SPECC1L: variants seen among roughly 807,000 people sequenced by gnomAD.
The protein encoded by SPECC1L is cytospin-A.
SPECC1L carries 40 observed loss-of-function variants against 116.8 expected under a neutral mutation model. The observed-to-expected ratio is 0.34, with a 90% confidence interval of 0.27 to 0.45. The LOEUF (loss-of-function observed/expected upper bound fraction) is 0.45. Ranked by LOEUF, SPECC1L falls within the 20% of genes least tolerant of loss-of-function variation. The probability of loss-of-function intolerance (pLI) is 1.00; values close to 1 mark genes in which losing one functional copy is unlikely to be tolerated. For synonymous variants in SPECC1L, 504 were observed against 500.6 expected, an observed-to-expected ratio of 1.01 and a Z score of -0.09; for missense variants, 1,110 against 1,373.6, an observed-to-expected ratio of 0.81 and a Z score of 3.03.
At chr22:24,327,277 C>CAAAAAAAAAAAAAAAAAAAAA (rs58725731) in intron 6 of SPECC1L, among the ~76,000 whole-genome samples, 1 of 41,958 alleles carries the variant, frequency 2.4e-5, no homozygotes. Flanking sequence ...GACTCCGTCT[C>CAAAAAAAAAAAAAAAAAAAAA]AAAAAAAAAA....
At chr22:24,377,280 T>C (rs184892008) in intron 14 of SPECC1L, among the ~76,000 whole-genome samples, 49 of 152,292 alleles carry the variant, frequency 3.2e-4, no homozygotes, top group Admixed American at 3.1e-3. Flanking sequence ...GCTTACACTT[T>C]TGGGGGGGTT....
At chr22:24,326,062 T>C (rs1370253759) in intron 6 of SPECC1L, among the ~76,000 whole-genome samples, 1 of 152,112 alleles carries the variant, frequency 6.6e-6, no homozygotes. Flanking sequence ...CAAGCGATTC[T>C]CCTGCTTCAG....
In SPECC1L at chr22:24,322,328, T is replaced by G; in HGVS notation, c.1348T>G (p.Cys450Gly). ...EEKVILMESL[C>G]QQSDKLEHFS... ...GAAGGTTATTCTGATGGAGTCTTTA[T>G]GTCAGCAGAGCGATAAGTTGGAACA... The change falls in exon 5 of 17, where the codon TGT (cysteine) becomes GGT (glycine). Residue 450 changes from cysteine (C) to glycine (G), a missense_variant. Physicochemically the swap from Cys to Gly is radical, Grantham distance 159. Transcript: ENST00000314328. 6.2e-7 allele frequency: 1 copy of G among 1,614,238 alleles called. No homozygotes were observed. The highest frequency in any genetic ancestry group is 8.5e-7 in the Non-Finnish European group (1 of 1,180,038).
chr22:24,334,037 G>A (rs1163234613), intron 8 of SPECC1L, among the ~76,000 whole-genome samples: 38 of 147,270 alleles, frequency 2.6e-4, no homozygotes, highest in African/African-American at 9.4e-4. Context: ...TTTTGAGATG[G>A]AGTCTCGCTC....
intron 4 of SPECC1L, among the ~76,000 whole-genome samples, chr22:24,320,852 A>G (rs1348419324): frequency 6.6e-6 from 1 of 152,132 alleles, no homozygotes; most frequent in Non-Finnish European, 1.5e-5. Context: ...TTGCCCACCT[A>G]TGATCTCCCT....
intron 4 of SPECC1L, among the ~76,000 whole-genome samples, chr22:24,317,243 C>T (rs1190941920): frequency 2.0e-5 from 2 of 101,890 alleles, no homozygotes; most frequent in Non-Finnish European, 2.1e-5. Flanking sequence ...CCGGATGGGG[C>T]GGCTGGCCGG....
chr22:24,363,638 T>C (rs906916192), intron 12 of SPECC1L, among the ~76,000 whole-genome samples: 3 of 152,156 alleles, frequency 2.0e-5, no homozygotes, highest in Non-Finnish European at 2.9e-5. Context: ...TTCCTCTATT[T>C]TGTATAAAGT....
intron 14 of SPECC1L, among the ~76,000 whole-genome samples, chr22:24,389,623 C>T (rs924034810): frequency 2.0e-5 from 3 of 151,864 alleles, no homozygotes; most frequent in Admixed American, 2.0e-4. Flanking sequence ...TTTCCCTACC[C>T]TCTTTCCTAA....
Position 24,392,985 on chromosome 22 carries a change from C to T in SPECC1L, c.3088-18603C>T, listed in dbSNP as rs148634400. On this transcript the variant is annotated intron_variant, in intron 14 of 16. Coordinates refer to ENST00000314328, the MANE Select transcript of SPECC1L (RefSeq NM_015330.6). ...TTCCTCAAAATGTGGTGGCCACATT[C>T]CAAGGACAGTTGTCGAGAGGGAGAG... Among the ~76,000 whole-genome samples the T allele has an allele frequency of 8.5e-5, 13 of 152,322 alleles. No individual in the cohort carries two copies. The East Asian group carries it at 2.5e-3, about 29-fold the overall frequency.
chr22:24,303,083 C>G (rs910717166), intron 3 of SPECC1L, among the ~76,000 whole-genome samples: 1 of 152,066 alleles, frequency 6.6e-6, no homozygotes, highest in Non-Finnish European at 1.5e-5. Flanking sequence ...CTCAGCCTCT[C>G]GAGTAGCTGG....
chr22:24,344,345 A>T (rs2041245124), intron 10 of SPECC1L, among the ~76,000 whole-genome samples: 1 of 130,280 alleles, frequency 7.7e-6, no homozygotes, highest in African/African-American at 3.5e-5. Context: ...AAAAAAATTA[A>T]AAAAAAAAAC....
chr22:24,383,549 A>G (rs1399257034), intron 14 of SPECC1L, among the ~76,000 whole-genome samples: 1 of 152,216 alleles, frequency 6.6e-6, no homozygotes, highest in African/African-American at 2.4e-5. Context: ...AAAATAACCA[A>G]TTTATGAGTT....
chr22:24,383,480 G>T (rs1403695598), intron 14 of SPECC1L, among the ~76,000 whole-genome samples: 1 of 152,024 alleles, frequency 6.6e-6, no homozygotes. Context: ...TCAAGAGAAA[G>T]AATGAGTAAC....
Position 24,363,293 on chromosome 22 carries a change from C to G in SPECC1L, c.2776C>G (p.Pro926Ala). 1 of 1,614,192 alleles carries G rather than the reference C, an allele frequency of 6.2e-7. No homozygotes were observed. Among genetic ancestry groups the G allele is most frequent in the South Asian group, 1.1e-5 (1 of 91,084 alleles). Residue 926 changes from proline (P) to alanine (A), a missense_variant, in exon 12 of 17, where the codon CCT becomes GCT. Physicochemically the swap from Pro to Ala is conservative, Grantham distance 27. This residue lies in a region of SPECC1L where 575 missense variants were observed against 682.4 expected (regional missense o/e 0.84). Coordinates refer to ENST00000314328, the MANE Select transcript of SPECC1L (RefSeq NM_015330.6). ...GTTAAGAACATCTTCAGCCAGCCGG[C>G]CTGCTTCCCTGCCAAGAGTGCCTGC... ...HLLRTSSASR[P>A]ASLPRVPAME... is the part of the protein sequence containing the mutation.
chr22:24,383,412 A>ATAAT (rs749925749), intron 14 of SPECC1L, among the ~76,000 whole-genome samples: 13 of 152,190 alleles, frequency 8.5e-5, no homozygotes, highest in Non-Finnish European at 1.3e-4. Context: ...CCCTGTCTCT[A>ATAAT]TAATTAATTA....
At chr22:24,306,062 C>T (rs749682123) in intron 3 of SPECC1L, among the ~76,000 whole-genome samples, 12 of 152,164 alleles carry the variant, frequency 7.9e-5, no homozygotes, top group East Asian at 5.8e-4. Flanking sequence ...TGTGCCACCA[C>T]GCCTGGCTAA....
In SPECC1L at chr22:24,313,372, T is replaced by C. The variant is rs773339582; in HGVS notation, c.213T>C (p.Gly71=). The C allele has an allele frequency of 1.9e-6, 3 of 1,613,902 alleles. No homozygotes were observed. Among genetic ancestry groups the C allele is most frequent in the African/African-American group, 2.7e-5 (2 of 74,862 alleles). Residue 71 remains glycine (G), a synonymous_variant, in exon 4 of 17, where the codon GGT becomes GGC. Coordinates refer to ENST00000314328, the MANE Select transcript of SPECC1L (RefSeq NM_015330.6). ...GMAGGVTVTN[G]VKGKKSTCPS... ...CCGGAGGGGTAACGGTGACTAATGG[T>C]GTTAAAGGAAAGAAAAGCACCTGCC... is the stretch of plus-strand genomic sequence containing the variant.
intron 10 of SPECC1L, among the ~76,000 whole-genome samples, chr22:24,345,045 G>A (rs1449973459): frequency 6.6e-6 from 1 of 152,136 alleles, no homozygotes; most frequent in Non-Finnish European, 1.5e-5. Flanking sequence ...ATATGGAAAT[G>A]CAAGATCCCT....
intron 14 of SPECC1L, among the ~76,000 whole-genome samples, chr22:24,375,535 G>A (rs1401202233): frequency 6.6e-6 from 1 of 152,034 alleles, no homozygotes; most frequent in Admixed American, 6.6e-5. Flanking sequence ...AGAATAAAGG[G>A]GAAAAAACCG....
Sources: allele counts gnomAD v4.1 joint callset (sites outside exome capture counted in the v4.1 genomes callset), GRCh38; gene constraint gnomAD v4.1.1; regional missense constraint gnomAD v4.1.1; transcripts MANE v1.5; gene names NCBI Gene and HGNC (gene_info 2026-07-23, HGNC 2026-07-21).